The following ACTL8 variants were observed in gnomAD, a reference collection of about 807,000 sequenced individuals.
The protein encoded by ACTL8 is actin like 8.
ACTL8 carries 3 observed loss-of-function variants against 9.3 expected under a neutral mutation model. The observed-to-expected ratio is 0.32, with a 90% CI of 0.15 to 0.83. The LOEUF (loss-of-function observed/expected upper bound fraction) is 0.83. ACTL8 is among the 40% of genes least tolerant of loss of function. The probability of loss-of-function intolerance (pLI) is 0.57; values close to 1 mark genes in which losing one functional copy is unlikely to be tolerated. For missense variants in ACTL8, 381 were observed against 492.2 expected (o/e 0.77, Z 2.14); for synonymous variants, 224 against 205.9 (o/e 1.09, Z -0.75).
rs530613880 is a variant in ACTL8 at position 17,767,955 on chromosome 1, G to A, written c.-25+12451G>A. Among the ~76,000 whole-genome samples the A allele has an allele frequency of 1.2e-4, 19 of 152,256 alleles. No individual in the cohort carries two copies. In the East Asian group the frequency reaches 3.7e-3, roughly 29 times the overall value. On this transcript the variant is annotated intron_variant, in intron 1 of 2. Coordinates refer to ENST00000375406, the MANE Select transcript of ACTL8 (RefSeq NM_030812.3). This position sits in a 1 kb window ranked among gnomAD's most constrained non-coding sequence, Gnocchi z 4.7. The stretch of plus-strand genomic sequence containing the variant: ...ATCCCTCTGGTGGGACTGGGTGTCT[G>A]TGGGTTCAGTCCTGGGGGGCAGGGG...
chr1:17,813,729 A>G (rs2066407783), intron 1 of ACTL8, among the ~76,000 whole-genome samples: 2 of 152,232 alleles, frequency 1.3e-5, no homozygotes, highest in African/African-American at 2.4e-5. Flanking sequence ...TAAATTCTCC[A>G]GTGAAACCGT....
At chr1:17,762,563 C>T (rs766913116) in intron 1 of ACTL8, among the ~76,000 whole-genome samples, 31 of 152,300 alleles carry the variant, frequency 2.0e-4, no homozygotes, top group Admixed American at 3.9e-4. Context: ...GGGTCCCTTT[C>T]TCTCGGCCAG....
At chr1:17,792,899 G>A (rs2066250323) in intron 1 of ACTL8, among the ~76,000 whole-genome samples, 1 of 152,210 alleles carries the variant, frequency 6.6e-6, no homozygotes, top group Non-Finnish European at 1.5e-5. Flanking sequence ...TCAGTGGAGA[G>A]TGGAGACAGG....
chr1:17,782,587 C>T (rs1240232836), intron 1 of ACTL8, among the ~76,000 whole-genome samples: 2 of 152,158 alleles, frequency 1.3e-5, no homozygotes, highest in East Asian at 3.9e-4. Context: ...CGGTGTAACT[C>T]ACATTTTCAC....
At position 17,824,628 on chromosome 1, in the gene ACTL8, T is replaced by C. The variant is rs796455550; in HGVS notation, c.349-1139T>C. ...ATAATGTCTTAGTATTTAAGTATGT[T>C]TCATATTGCATGGGGCATACTTACA... is the stretch of plus-strand genomic sequence containing the variant. On this transcript the variant is annotated intron_variant, in intron 2 of 2. Transcript: ENST00000375406. 1.2e-4 allele frequency among the ~76,000 whole-genome samples: 19 copies of C among 152,310 alleles called. 1 individual carries two copies. Among genetic ancestry groups the C allele is most frequent in the African/African-American group, 4.6e-4 (19 of 41,576 alleles).
At chr1:17,784,908 T>C (rs541473597) in intron 1 of ACTL8, among the ~76,000 whole-genome samples, 1 of 152,372 alleles carries the variant, frequency 6.6e-6, no homozygotes, top group South Asian at 2.1e-4. Context: ...CAGTTCCATG[T>C]GGCTGGGGAA....
chr1:17,802,420 C>CGTGT (rs1553122779), intron 1 of ACTL8, among the ~76,000 whole-genome samples: 63 of 126,430 alleles, frequency 5.0e-4, no homozygotes, highest in African/African-American at 1.9e-3. Context: ...GATGACTGTG[C>CGTGT]GTGCGTGTGT....
At chr1:17,772,951 A>C (rs2066093975) in intron 1 of ACTL8, among the ~76,000 whole-genome samples, 1 of 152,124 alleles carries the variant, frequency 6.6e-6, no homozygotes, top group Admixed American at 6.5e-5. Flanking sequence ...TAGTCTAATT[A>C]CATTTTCCTA....
At chr1:17,758,021 A>G (rs1056411646) in intron 1 of ACTL8, among the ~76,000 whole-genome samples, 2 of 152,214 alleles carry the variant, frequency 1.3e-5, no homozygotes, top group African/African-American at 4.8e-5. Context: ...CCCTGCTGCC[A>G]CCACCTATGT....
rs375018120 is a variant in ACTL8, at chr1:17,793,518, G to A, written c.-24-29467G>A. ...CCTCAGGCAGATTTCATTATTTTCC[G>A]GCCATTTCCAGTTAAAATATAATCT... On this transcript the variant is annotated intron_variant, in intron 1 of 2. Coordinates refer to ENST00000375406, the MANE Select transcript of ACTL8 (RefSeq NM_030812.3). 1.8e-4 allele frequency among the ~76,000 whole-genome samples: 27 copies of A among 151,960 alleles called. No homozygotes were observed. In the East Asian group the frequency reaches 2.7e-3, roughly 15 times the overall value.
intron 1 of ACTL8, among the ~76,000 whole-genome samples, chr1:17,818,134 A>C (rs185776557): frequency 5.2e-4 from 79 of 152,324 alleles, no homozygotes; most frequent in Non-Finnish European, 6.2e-4. Flanking sequence ...CCCAAATGCC[A>C]AACTCTTCCC....
rs999281269 is a variant in ACTL8 at position 17,769,701 on chromosome 1, C to A, written c.-25+14197C>A. Reference sequence around the variant, plus strand: ...CAGGGCAGAAGAGGGCATGGGAATACAAGGGGCCTGGTGGGCACGTGCTCA... The same window carrying A: ...CAGGGCAGAAGAGGGCATGGGAATAAAAGGGGCCTGGTGGGCACGTGCTCA... On this transcript the variant is annotated intron_variant, in intron 1 of 2. Transcript: ENST00000375406. Among the ~76,000 whole-genome samples the A allele has an allele frequency of 7.2e-5, 11 of 152,296 alleles. No individual in the cohort carries two copies. The East Asian group carries it at 2.1e-3, about 29-fold the overall frequency.
At chr1:17,764,100 G>T (rs749863382) in intron 1 of ACTL8, among the ~76,000 whole-genome samples, 1 of 152,166 alleles carries the variant, frequency 6.6e-6, no homozygotes, top group African/African-American at 2.4e-5. Flanking sequence ...GGGGGTGGGG[G>T]TGCTGGTGCT....
At chr1:17,798,716 A>C (rs190116437) in intron 1 of ACTL8, among the ~76,000 whole-genome samples, 12 of 152,202 alleles carry the variant, frequency 7.9e-5, no homozygotes, top group Non-Finnish European at 1.5e-4. Context: ...AGTTCATGTC[A>C]TTCTACCATT....
At chr1:17,797,258 G>A (rs1038078085) in intron 1 of ACTL8, among the ~76,000 whole-genome samples, 2 of 152,132 alleles carry the variant, frequency 1.3e-5, no homozygotes, top group Admixed American at 6.5e-5. Flanking sequence ...GGCAGTTCGC[G>A]GTGATGCCGA....
intron 1 of ACTL8, among the ~76,000 whole-genome samples, chr1:17,780,687 T>G (rs572693114): frequency 7.6e-6 from 1 of 131,184 alleles, no homozygotes; most frequent in East Asian, 2.3e-4. Context: ...AGTGCCTTGG[T>G]TGACAGTGCA....
At chr1:17,821,985 GTC>G (rs930578287) in intron 1 of ACTL8, among the ~76,000 whole-genome samples, 3 of 152,172 alleles carry the variant, frequency 2.0e-5, no homozygotes, top group Non-Finnish European at 4.4e-5. Context: ...TTTTGAGTAA[GTC>G]TGAACATCAG....
chr1:17,762,910 G>T (rs1219227038), intron 1 of ACTL8, among the ~76,000 whole-genome samples: 1 of 152,174 alleles, frequency 6.6e-6, no homozygotes, highest in East Asian at 1.9e-4. Flanking sequence ...GGGCTGCCTG[G>T]TGGGGCCCGC....
intron 1 of ACTL8, among the ~76,000 whole-genome samples, chr1:17,810,083 AC>A (rs2066384050): frequency 6.6e-6 from 1 of 151,238 alleles, no homozygotes; most frequent in Non-Finnish European, 1.5e-5. Flanking sequence ...AACAACCAAA[AC>A]CTCCTGGGGC....
Sources: gnomAD v4.1 joint callset for allele counts (sites outside exome capture counted in the v4.1 genomes callset) on GRCh38, gnomAD v4.1.1 for gene constraint, Gnocchi (gnomAD v3.1) non-coding constraint, MANE v1.5 for transcripts, NCBI Gene and HGNC (gene_info 2026-07-23, HGNC 2026-07-21) for gene names.